RPS6KC1: variants seen among roughly 807,000 people sequenced by gnomAD.
RPS6KC1 encodes the protein inactive ribosomal protein S6 kinase delta-1.
RPS6KC1 carries 54 observed loss-of-function variants against 103.8 expected under a neutral mutation model. That is an observed-to-expected ratio of 0.52 (90% confidence interval 0.42 to 0.65). The LOEUF is 0.65. Ranked by LOEUF, RPS6KC1 falls within the 30% of genes least tolerant of loss-of-function variation. RPS6KC1 has a pLI of 0.00. For missense variants in RPS6KC1, 1,151 were observed against 1,253.8 expected (o/e 0.92, Z 1.24); for synonymous variants, 439 against 438.7 (o/e 1.00, Z -0.01).
At chr1:213,638,588 G>T in the RPS6KC1 span, among the ~76,000 whole-genome samples, 1 of 151,652 alleles carries the variant, frequency 6.6e-6, no homozygotes, top group Non-Finnish European at 1.5e-5. Flanking sequence ...GTGACTAATT[G>T]GTTTAAAACC....
the RPS6KC1 span, among the ~76,000 whole-genome samples, chr1:213,743,097 T>C: frequency 6.6e-6 from 1 of 152,256 alleles, no homozygotes; most frequent in Non-Finnish European, 1.5e-5. Flanking sequence ...ATATGTTCAT[T>C]GCTGTGCTGT....
At chr1:213,182,381 C>T (rs572408719) in intron 8 of RPS6KC1, among the ~76,000 whole-genome samples, 1 of 152,168 alleles carries the variant, frequency 6.6e-6, no homozygotes, top group African/African-American at 2.4e-5. Context: ...GTCCCAGCTA[C>T]TCAGGAGGCT....
the RPS6KC1 span, among the ~76,000 whole-genome samples, chr1:213,779,862 T>G: frequency 6.6e-6 from 1 of 152,184 alleles, no homozygotes; most frequent in Non-Finnish European, 1.5e-5. Flanking sequence ...CAGATCACCT[T>G]TATAGTAAAA....
chr1:213,251,102 CTTTTTTTTTTTT>C (rs1235280521), intron 12 of RPS6KC1, among the ~76,000 whole-genome samples: 1 of 100,210 alleles, frequency 1.0e-5, no homozygotes, highest in South Asian at 3.7e-4. Context: ...GGTTTTTCAG[CTTTTTTTTTTTT>C]TTTTTTTTTT....
At chr1:213,460,288 T>A in the RPS6KC1 span, among the ~76,000 whole-genome samples, 1 of 152,206 alleles carries the variant, frequency 6.6e-6, no homozygotes, top group African/African-American at 2.4e-5. Context: ...ATATTTAGGA[T>A]AGTTAGCTCT....
At chr1:213,305,533 C>T in the RPS6KC1 span, among the ~76,000 whole-genome samples, 1 of 152,326 alleles carries the variant, frequency 6.6e-6, no homozygotes, top group African/African-American at 2.4e-5. Flanking sequence ...GAAACTCCAA[C>T]TCCGTTCAGC....
intron 3 of RPS6KC1, among the ~76,000 whole-genome samples, chr1:213,098,205 T>G (rs2148716765): frequency 6.6e-6 from 1 of 152,180 alleles, no homozygotes; most frequent in African/African-American, 2.4e-5. Context: ...AGTCTTGAAC[T>G]TTGGGACTCA....
the RPS6KC1 span, among the ~76,000 whole-genome samples, chr1:213,288,252 G>A: frequency 1.3e-5 from 2 of 152,174 alleles, no homozygotes; most frequent in African/African-American, 4.8e-5. Flanking sequence ...TCATACTGGG[G>A]GAGGAAGGGA....
At chr1:213,088,913 A>G (rs757534385) in intron 3 of RPS6KC1, among the ~76,000 whole-genome samples, 12 of 152,218 alleles carry the variant, frequency 7.9e-5, no homozygotes, top group Non-Finnish European at 1.8e-4. Flanking sequence ...TTTCACGCCT[A>G]CTTGAGATTT....
At chr1:213,465,555 G>A in the RPS6KC1 span, among the ~76,000 whole-genome samples, 5 of 152,106 alleles carry the variant, frequency 3.3e-5, no homozygotes, top group African/African-American at 1.2e-4. Context: ...GTCACTCTAG[G>A]TGTGTCTCTC....
At chr1:213,234,177 G>T (rs906319199) in intron 10 of RPS6KC1, among the ~76,000 whole-genome samples, 3 of 151,822 alleles carry the variant, frequency 2.0e-5, no homozygotes, top group African/African-American at 7.3e-5. Context: ...ATCTGGCTAA[G>T]TTTTAAAATT....
chr1:213,669,431 A>G, the RPS6KC1 span, among the ~76,000 whole-genome samples: 2 of 152,206 alleles, frequency 1.3e-5, no homozygotes, highest in African/African-American at 4.8e-5. Context: ...TTATATAAGT[A>G]CAGTTTGTGG....
chr1:213,383,218 T>C, the RPS6KC1 span, among the ~76,000 whole-genome samples: 1 of 152,194 alleles, frequency 6.6e-6, no homozygotes, highest in Non-Finnish European at 1.5e-5. Context: ...GTCTACCTGG[T>C]TCACTGTCGA....
chr1:213,444,128 C>A, the RPS6KC1 span, among the ~76,000 whole-genome samples: 2 of 152,124 alleles, frequency 1.3e-5, no homozygotes, highest in East Asian at 3.8e-4. Context: ...CTTTAGCATT[C>A]CTTGGCTTGT....
chr1:213,260,591 C>T (rs2094763694), intron 12 of RPS6KC1, among the ~76,000 whole-genome samples: 2 of 151,566 alleles, frequency 1.3e-5, no homozygotes, highest in Non-Finnish European at 2.9e-5. Context: ...AACCTAACTA[C>T]TTATAAACTT....
Position 213,051,334 on chromosome 1 carries a change from T to C in RPS6KC1, c.-71T>C. 2.4e-6 allele frequency: 3 copies of C among 1,244,200 alleles called. No individual in the cohort carries two copies. The highest frequency in any genetic ancestry group is 2.5e-5 in the South Asian group (2 of 80,950). 77.1% of individuals were successfully genotyped at this position (1,244,200 alleles called of 1,614,324 possible). A position where few individuals can be genotyped will look rare whatever the true frequency, so the allele number is the denominator to read the frequency against. On this transcript the variant is annotated 5_prime_UTR_variant, in exon 1 of 15. Coordinates refer to ENST00000366960, the MANE Select transcript of RPS6KC1 (RefSeq NM_012424.6). Reference sequence around the variant, plus strand: ...CGCTTCGCCGCTGCGTTGGGGAACCTGGACCGCGGCGGCGCCGGGTTTCCC... The same window carrying C: ...CGCTTCGCCGCTGCGTTGGGGAACCCGGACCGCGGCGGCGCCGGGTTTCCC...
the RPS6KC1 span, among the ~76,000 whole-genome samples, chr1:213,498,417 C>T: frequency 6.6e-6 from 1 of 151,958 alleles, no homozygotes; most frequent in Non-Finnish European, 1.5e-5. Flanking sequence ...TAAAATTAAG[C>T]AATTTGTCCT....
chr1:213,527,986 T>G, the RPS6KC1 span, among the ~76,000 whole-genome samples: 1 of 152,152 alleles, frequency 6.6e-6, no homozygotes, highest in Non-Finnish European at 1.5e-5. Flanking sequence ...ATAAAGGCCT[T>G]CATCCTGTTG....
the RPS6KC1 span, among the ~76,000 whole-genome samples, chr1:213,710,367 G>C: frequency 6.6e-6 from 1 of 151,832 alleles, no homozygotes. Flanking sequence ...CCATTTTCTT[G>C]GTAAATCTTC....
Sources: allele counts gnomAD v4.1 joint callset (sites outside exome capture counted in the v4.1 genomes callset), GRCh38; gene constraint gnomAD v4.1.1; transcripts MANE v1.5; gene names NCBI Gene and HGNC (gene_info 2026-07-23, HGNC 2026-07-21).